The following CNIH3 variants were observed in gnomAD, a reference collection of about 807,000 sequenced individuals.
CNIH3 encodes protein cornichon homolog 3.
In CNIH3, 14 loss-of-function variants were observed where a neutral mutation model predicts 24.1. The observed-to-expected ratio is 0.58, with a 90% CI of 0.38 to 0.91. The LOEUF (loss-of-function observed/expected upper bound fraction) is 0.91, where lower values mean the gene tolerates loss of function less well. Among genes scored for constraint, CNIH3 ranks in the 40% least tolerant of loss-of-function variants. The pLI is 0.00. For synonymous variants in CNIH3, 68 were observed against 73.8 expected (o/e 0.92, Z 0.40); for missense variants, 178 against 196.8 (o/e 0.90, Z 0.57).
At chr1:224,461,591 A>G (rs1006349397) in intron 1 of CNIH3, among the ~76,000 whole-genome samples, 3 of 152,228 alleles carry the variant, frequency 2.0e-5, no homozygotes, top group African/African-American at 7.2e-5. Context: ...CCTTACATAA[A>G]TGATTTCTTC....
chr1:224,626,917 A>G (rs535454046), intron 1 of CNIH3, among the ~76,000 whole-genome samples: 202 of 152,188 alleles, frequency 1.3e-3, no homozygotes, highest in African/African-American at 4.5e-3. Context: ...AACTCTGCTC[A>G]CTCCAACCTA....
intron 1 of CNIH3, among the ~76,000 whole-genome samples, chr1:224,471,671 A>T (rs1036177484): frequency 1.3e-5 from 2 of 151,534 alleles, no homozygotes; most frequent in East Asian, 3.9e-4. Context: ...GCTCACCGCA[A>T]CCTACGCCTC....
chr1:224,595,392 C>T (rs778992305), intron 3 of CNIH3, among the ~76,000 whole-genome samples: 13 of 152,164 alleles, frequency 8.5e-5, no homozygotes, highest in Admixed American at 3.3e-4. Flanking sequence ...TTTTGGGGCA[C>T]CACAAATTGT....
At chr1:224,450,980 A>G (rs749414630) in intron 1 of CNIH3, among the ~76,000 whole-genome samples, 15 of 152,282 alleles carry the variant, frequency 9.9e-5, no homozygotes, top group Non-Finnish European at 1.9e-4. Flanking sequence ...AAAGGCCCTT[A>G]ATTTATCTAT....
At position 224,704,600 on chromosome 1, in the gene CNIH3, G is replaced by A. The variant is rs1007216156; in HGVS notation, c.198+19757G>A. Among the ~76,000 whole-genome samples, 3 of 152,102 alleles carry A rather than the reference G, an allele frequency of 2.0e-5. No homozygotes were observed. Among genetic ancestry groups the A allele is most frequent in the African/African-American group, 7.2e-5 (3 of 41,394 alleles). On this transcript the variant is annotated intron_variant, in intron 3 of 5. Coordinates refer to ENST00000272133, the MANE Select transcript of CNIH3 (RefSeq NM_152495.2). The surrounding 1 kb of genome is among the most constrained non-coding windows in gnomAD (Gnocchi z 4.2). ...CAGCTCTTCCCCATCCCCCGTGTAT[G>A]TACAGCACATACTTTTTTTTTGCTG...
chr1:224,478,650 TA>T (rs1676680096), intron 1 of CNIH3, among the ~76,000 whole-genome samples: 2 of 152,258 alleles, frequency 1.3e-5, no homozygotes, highest in African/African-American at 4.8e-5. Flanking sequence ...TGGTTCCTGG[TA>T]CCTTATTTAG....
intron 1 of CNIH3, among the ~76,000 whole-genome samples, chr1:224,653,845 C>T (rs1378186556): frequency 9.2e-5 from 14 of 151,800 alleles, no homozygotes; most frequent in African/African-American, 3.1e-4. Flanking sequence ...TTCGGTAGGC[C>T]GAGGCAGGCT....
chr1:224,553,131 T>C (rs1448525419), intron 3 of CNIH3, among the ~76,000 whole-genome samples: 1 of 149,922 alleles, frequency 6.7e-6, no homozygotes, highest in African/African-American at 2.4e-5. Context: ...TATCACAGGG[T>C]GTACACTCCC....
intron 3 of CNIH3, among the ~76,000 whole-genome samples, chr1:224,694,410 G>A (rs1687070376): frequency 6.6e-6 from 1 of 152,152 alleles, no homozygotes; most frequent in South Asian, 2.1e-4. Flanking sequence ...CCTAAACCTG[G>A]CTGTTCCTCA....
intron 2 of CNIH3, among the ~76,000 whole-genome samples, chr1:224,527,818 TTA>T (rs1678902795): frequency 6.6e-6 from 1 of 152,182 alleles, no homozygotes; most frequent in South Asian, 2.1e-4. Flanking sequence ...AAATATATAA[TTA>T]TGTGTCAATT....
In CNIH3 at chr1:224,439,504, A is replaced by G. The variant is rs140643717; in HGVS notation, n.203+4642A>G. Among the ~76,000 whole-genome samples, 3 of 152,184 alleles carry G rather than the reference A, an allele frequency of 2.0e-5. No individual in the cohort carries two copies. The East Asian group carries it at 5.8e-4, about 29-fold the overall frequency. On this transcript the variant is annotated intron_variant and non_coding_transcript_variant, in intron 1 of 5. Coordinates refer to the CNIH3 transcript ENST00000471578. ...CCACACAGCTGGGATTAGACTGCTT[A>G]GTTTGTACTTGCAGCACTTTTGCAG...
rs901834633 is a variant in CNIH3, at chr1:224,568,115, C to A, written n.516+1851C>A. Among the ~76,000 whole-genome samples, 19 of 152,078 alleles carry A rather than the reference C, an allele frequency of 1.2e-4. 1 individual carries two copies. The highest frequency in any genetic ancestry group is 7.2e-4 in the Admixed American group (11 of 15,268). ...GACCATCCTGGCCAACATGGTAAAACCCCGTCTTTACTAAAAATACAAAAA... is the reference window on the plus strand; with the variant it reads ...GACCATCCTGGCCAACATGGTAAAAACCCGTCTTTACTAAAAATACAAAAA... On this transcript the variant is annotated intron_variant and non_coding_transcript_variant, in intron 4 of 5. Transcript: ENST00000471578.
At position 224,623,294 on chromosome 1, in the gene CNIH3, C is replaced by T. The variant is rs191082716; in HGVS notation, c.81+6039C>T. ...CCTCTGTGTCATTACCCCTCATCAT[C>T]CACCACTTAGCTCCTGCTGCTGCTC... On this transcript the variant is annotated intron_variant, in intron 1 of 5. Coordinates refer to ENST00000272133, the MANE Select transcript of CNIH3 (RefSeq NM_152495.2). 5.5e-3 allele frequency among the ~76,000 whole-genome samples: 844 copies of T among 152,294 alleles called. 22 individuals are homozygous for T. Among genetic ancestry groups the T allele is most frequent in the Admixed American group, 0.035 (537 of 15,298 alleles).
At chr1:224,708,389 C>T (rs1558318019) in intron 3 of CNIH3, among the ~76,000 whole-genome samples, 2 of 152,184 alleles carry the variant, frequency 1.3e-5, no homozygotes, top group Admixed American at 6.6e-5. Context: ...AAACACATTT[C>T]GTCTTCCTTG....
chr1:224,570,845 A>T (rs1343027756), intron 4 of CNIH3, among the ~76,000 whole-genome samples: 1 of 152,096 alleles, frequency 6.6e-6, no homozygotes, highest in Non-Finnish European at 1.5e-5. Flanking sequence ...TTAGGCCTAC[A>T]GTCTATGTGA....
downstream of CNIH3, among the ~76,000 whole-genome samples, chr1:224,588,991 TTTTAC>T (rs1293139936): frequency 6.7e-6 from 1 of 150,032 alleles, no homozygotes; most frequent in East Asian, 2.0e-4. Flanking sequence ...TTTGGAGCCA[TTTTAC>T]TGAGAAGCAT....
intron 1 of CNIH3, among the ~76,000 whole-genome samples, chr1:224,504,451 C>T (rs1558114212): frequency 6.6e-6 from 1 of 152,126 alleles, no homozygotes; most frequent in Non-Finnish European, 1.5e-5. Context: ...ATTCCTCTTC[C>T]AATTTCCTCT....
chr1:224,566,169 A>T (rs1345287062), intron 3 of CNIH3: 1 of 152,132 alleles, frequency 6.6e-6, no homozygotes, highest in Non-Finnish European at 1.5e-5. Flanking sequence ...ATGAAGTGAT[A>T]AAACCTTGTA....
chr1:224,463,799 T>A (rs1676042435), intron 1 of CNIH3, among the ~76,000 whole-genome samples: 3 of 129,564 alleles, frequency 2.3e-5, no homozygotes, highest in Admixed American at 7.8e-5. Flanking sequence ...TTTTTTTTTT[T>A]TTTTTTTTTT....
Sources: allele counts gnomAD v4.1 joint callset (sites outside exome capture counted in the v4.1 genomes callset), GRCh38; gene constraint gnomAD v4.1.1; non-coding constraint Gnocchi (gnomAD v3.1); transcripts MANE v1.5; gene names NCBI Gene and HGNC (gene_info 2026-07-23, HGNC 2026-07-21).